Variants in DIP2C observed in about 807,000 individuals in gnomAD.
DIP2C encodes the protein DIP2 acetate--CoA ligase C (putative).
In DIP2C, 33 loss-of-function variants were observed where a neutral mutation model predicts 192.4. The observed-to-expected ratio is 0.17, with a 90% confidence interval of 0.13 to 0.23. The LOEUF (loss-of-function observed/expected upper bound fraction) is 0.23, where lower values mean the gene tolerates loss of function less well. DIP2C is among the 10% of genes least tolerant of loss of function. The pLI, the probability that DIP2C is intolerant of heterozygous loss-of-function variation, is 1.00. For missense variants in DIP2C, 1,537 were observed against 2,110.1 expected, an observed-to-expected ratio of 0.73 and a Z score of 5.32; for synonymous variants, 979 against 864.1, an observed-to-expected ratio of 1.13 and a Z score of -2.33.
At chr10:376,168 C>T (rs1481982329) in intron 17 of DIP2C, among the ~76,000 whole-genome samples, 8 of 152,218 alleles carry the variant, frequency 5.3e-5, no homozygotes, top group Non-Finnish European at 7.3e-5. Context: ...CATCTACAGA[C>T]GAGGAATCCT....
chr10:324,043 C>T (rs1264173163), intron 31 of DIP2C, among the ~76,000 whole-genome samples: 2 of 152,178 alleles, frequency 1.3e-5, no homozygotes, highest in African/African-American at 4.8e-5. Context: ...CGCACGACTC[C>T]GCCCTTTCAC....
chr10:460,833 CTCA>C (rs1057042782), intron 3 of DIP2C, among the ~76,000 whole-genome samples: 22 of 152,180 alleles, frequency 1.4e-4, no homozygotes, highest in African/African-American at 2.4e-4. Context: ...CAAAGGGAAG[CTCA>C]TCAGACTAAC....
In DIP2C at chr10:666,873, T is replaced by TGCGCCTCCCAAAATCAGAAGCAGC. The variant is rs1857132027; in HGVS notation, c.85+22597_85+22620dup. On this transcript the variant is annotated intron_variant, in intron 1 of 36. Transcript: ENST00000280886. This position sits in a 1 kb window ranked among gnomAD's most constrained non-coding sequence, Gnocchi z 4.1. ...GCCGGCAAGCTGCCCCAAGAAGCAG[T>TGCGCCTCCCAAAATCAGAAGCAGC]GCGCCTCCCAAAATCAGAAGCAGCT... 6.6e-6 allele frequency: 1 copy of TGCGCCTCCCAAAATCAGAAGCAGC among 152,212 alleles called. No homozygotes were observed. The highest frequency in any genetic ancestry group is 2.4e-5 in the African/African-American group (1 of 41,392). The allele number at this position is 152,212 out of a possible 1,614,324, so 9.4% of individuals were successfully genotyped here. A position where few individuals can be genotyped will look rare whatever the true frequency, so the allele number is the denominator to read the frequency against.
At chr10:335,707 C>T (rs990287275) in intron 29 of DIP2C, among the ~76,000 whole-genome samples, 7 of 152,224 alleles carry the variant, frequency 4.6e-5, no homozygotes, top group Non-Finnish European at 7.3e-5. Context: ...CTGTGTGCTA[C>T]AGGCTTCACC....
At position 569,159 on chromosome 10, in the gene DIP2C, CAA is replaced by C. The variant is rs1259427571; in HGVS notation, c.86-82631_86-82630del. On this transcript the variant is annotated intron_variant, in intron 1 of 36. Coordinates refer to ENST00000280886, the MANE Select transcript of DIP2C (RefSeq NM_014974.3). ...TGATTTTTACACTTCAAAGTTTTAA[CAA>C]AAGAAAAAGAATATGCAGAGACTTC... 3.3e-5 allele frequency among the ~76,000 whole-genome samples: 5 copies of C among 152,186 alleles called. No homozygotes were observed. The East Asian group carries it at 9.6e-4, about 29-fold the overall frequency.
intron 18 of DIP2C, among the ~76,000 whole-genome samples, chr10:367,210 G>A (rs1960351658): frequency 6.6e-6 from 1 of 152,206 alleles, no homozygotes; most frequent in South Asian, 2.1e-4. Flanking sequence ...AAGGTCAGGA[G>A]ATCGAGACCA....
At position 281,338 on chromosome 10, in the gene DIP2C, C is replaced by A; in HGVS notation, c.4295-15G>T. 1.3e-6 allele frequency: 2 copies of A among 1,598,758 alleles called. No homozygotes were observed. Among genetic ancestry groups the A allele is most frequent in the Non-Finnish European group, 1.7e-6 (2 of 1,168,994 alleles). Reference sequence around the variant, plus strand: ...ATCATGGCGCTCTGTGGAGTAATGACAGCCTGCGTAAGCTTCCCCATAATG... The same window carrying A: ...ATCATGGCGCTCTGTGGAGTAATGAAAGCCTGCGTAAGCTTCCCCATAATG... On this transcript the variant is annotated splice_polypyrimidine_tract_variant and intron_variant, in intron 35 of 36. Coordinates refer to ENST00000280886, the MANE Select transcript of DIP2C (RefSeq NM_014974.3).
chr10:347,429 G>C (rs1220953763), intron 26 of DIP2C, among the ~76,000 whole-genome samples: 1 of 147,666 alleles, frequency 6.8e-6, no homozygotes, highest in Non-Finnish European at 1.5e-5. Context: ...AGTTCTCCCG[G>C]AAACGTCACA....
At chr10:688,224 C>T (rs116510280) in intron 1 of DIP2C, among the ~76,000 whole-genome samples, 190 of 152,300 alleles carry the variant, frequency 1.2e-3, no homozygotes, top group African/African-American at 4.4e-3. Context: ...CAGCCAAGCC[C>T]ACAGGCCTGG....
intron 1 of DIP2C, among the ~76,000 whole-genome samples, chr10:602,401 ATGTC>A (rs1307179880): frequency 6.6e-6 from 1 of 152,206 alleles, no homozygotes; most frequent in Non-Finnish European, 1.5e-5. Context: ...TCTGGCCTGA[ATGTC>A]TGTCCCCAAA....
chr10:575,839 G>A (rs1005724989), intron 1 of DIP2C, among the ~76,000 whole-genome samples: 2 of 152,228 alleles, frequency 1.3e-5, no homozygotes, highest in Non-Finnish European at 2.9e-5. Flanking sequence ...AGTCAATTTA[G>A]GGTCATTTTC....
chr10:451,084 G>GCCC (rs1968808303), intron 3 of DIP2C, among the ~76,000 whole-genome samples: 1 of 152,170 alleles, frequency 6.6e-6, no homozygotes, highest in Admixed American at 6.5e-5. Flanking sequence ...GTGCTCCCCA[G>GCCC]CCCCTGCCTG....
intron 6 of DIP2C, among the ~76,000 whole-genome samples, chr10:417,744 GCT>G (rs1265908710): frequency 5.9e-5 from 8 of 134,730 alleles, no homozygotes; most frequent in South Asian, 2.4e-4. Context: ...GCCTGTCAGG[GCT>G]CGGATAGGCA....
At chr10:679,728 TC>T (rs1316880633) in intron 1 of DIP2C, among the ~76,000 whole-genome samples, 10 of 149,696 alleles carry the variant, frequency 6.7e-5, no homozygotes, top group Admixed American at 6.6e-4. Flanking sequence ...GCATCCGTCC[TC>T]CCCACGCCCA....
chr10:385,284 G>C (rs1240444331), intron 14 of DIP2C, among the ~76,000 whole-genome samples: 1 of 152,200 alleles, frequency 6.6e-6, no homozygotes, highest in Non-Finnish European at 1.5e-5. Context: ...GCATGAATGT[G>C]ACACGGTAGG....
intron 9 of DIP2C, among the ~76,000 whole-genome samples, chr10:401,367 T>C (rs1200603064): frequency 6.6e-6 from 1 of 151,880 alleles, no homozygotes; most frequent in Non-Finnish European, 1.5e-5. Context: ...GCATTAGCAT[T>C]ACTCTTCCTT....
intron 1 of DIP2C, among the ~76,000 whole-genome samples, chr10:577,637 T>C (rs1248950061): frequency 6.6e-6 from 1 of 152,210 alleles, no homozygotes; most frequent in Admixed American, 6.5e-5. Flanking sequence ...ATTTAAAGTA[T>C]AAAACAAAGC....
chr10:629,267 A>G (rs1854371737), intron 1 of DIP2C, among the ~76,000 whole-genome samples: 1 of 152,016 alleles, frequency 6.6e-6, no homozygotes. Flanking sequence ...GGCTGTGAGG[A>G]TCCCTCTCCT....
chr10:376,822 T>C (rs1023043623), intron 17 of DIP2C, among the ~76,000 whole-genome samples: 1 of 152,164 alleles, frequency 6.6e-6, no homozygotes, highest in Non-Finnish European at 1.5e-5. Context: ...TGTGAACTCA[T>C]TTCAGCAGAA....
Sources: allele counts gnomAD v4.1 joint callset (sites outside exome capture counted in the v4.1 genomes callset), GRCh38; gene constraint gnomAD v4.1.1; non-coding constraint Gnocchi (gnomAD v3.1); transcripts MANE v1.5; gene names NCBI Gene and HGNC (gene_info 2026-07-23, HGNC 2026-07-21).